The following DPP6 variants were observed in gnomAD, a reference collection of about 807,000 sequenced individuals.
The protein encoded by DPP6 is A-type potassium channel modulatory protein DPP6.
Under a neutral mutation model 122.6 loss-of-function variants are expected in DPP6, and 69 were observed. That is an observed-to-expected ratio of 0.56 (90% CI 0.46 to 0.69). DPP6 has a LOEUF of 0.69. DPP6 is among the 30% of genes least tolerant of loss of function. The pLI, the probability that DPP6 is intolerant of heterozygous loss-of-function variation, is 0.00. For synonymous variants in DPP6, 418 were observed against 433.1 expected (o/e 0.97, Z 0.43); for missense variants, 928 against 1,116.9 (o/e 0.83, Z 2.41).
intron 1 of DPP6, among the ~76,000 whole-genome samples, chr7:154,398,252 A>G (rs765858617): frequency 2.0e-5 from 3 of 152,196 alleles, no homozygotes; most frequent in Non-Finnish European, 4.4e-5. Context: ...TTTTAAGCCC[A>G]TCCCTAAAAA....
At chr7:153,826,077 T>G in the DPP6 span, among the ~76,000 whole-genome samples, 2 of 152,230 alleles carry the variant, frequency 1.3e-5, no homozygotes, top group African/African-American at 4.8e-5. Flanking sequence ...AAAGGCAGCA[T>G]AGAGAAGACA....
the DPP6 span, among the ~76,000 whole-genome samples, chr7:153,833,542 G>A: frequency 2.0e-5 from 3 of 152,046 alleles, no homozygotes; most frequent in East Asian, 1.9e-4. Flanking sequence ...GCGTGGTGGC[G>A]TGCCTGTAAT....
intron 1 of DPP6, among the ~76,000 whole-genome samples, chr7:154,350,632 G>A (rs1810771875): frequency 6.6e-6 from 1 of 152,124 alleles, no homozygotes; most frequent in African/African-American, 2.4e-5. Flanking sequence ...TTCAGAGTGA[G>A]TTGGGTATCA....
At chr7:153,764,321 CT>C in the DPP6 span, among the ~76,000 whole-genome samples, 370 of 150,180 alleles carry the variant, frequency 2.5e-3, 5 homozygotes, top group African/African-American at 8.8e-3. Context: ...TCTGCACTCG[CT>C]AGTCCTCCCT....
At chr7:154,727,733 CT>C (rs1842134748) in intron 7 of DPP6, 33 bp from the exon 8 acceptor site, 2 of 1,573,606 alleles carry the variant, frequency 1.3e-6, no homozygotes, top group East Asian at 4.6e-5. Flanking sequence ...CACTTCCTTG[CT>C]TAATATTATG....
chr7:154,504,994 A>G lies in DPP6; in HGVS notation c.457+29957A>G, dbSNP rs565240894. ...TGTTTAGTGAATTAAGCTGACAAAA[A>G]CTATTCCATTTTGTAATTGCAGAAT... On this transcript the variant is annotated intron_variant, in intron 3 of 25. Coordinates refer to ENST00000377770, the MANE Select transcript of DPP6 (RefSeq NM_130797.4). Among the ~76,000 whole-genome samples the G allele has an allele frequency of 3.9e-5, 6 of 152,324 alleles. No homozygotes were observed. In the East Asian group the frequency reaches 1.2e-3, roughly 29 times the overall value.
At chr7:154,280,195 T>A (rs1163238975) in intron 1 of DPP6, among the ~76,000 whole-genome samples, 2 of 152,120 alleles carry the variant, frequency 1.3e-5, no homozygotes, top group East Asian at 1.9e-4. Flanking sequence ...ACTGTTTTTT[T>A]ATAAAAAAAG....
chr7:154,788,276 T>C (rs1797459166), intron 10 of DPP6, among the ~76,000 whole-genome samples: 1 of 151,960 alleles, frequency 6.6e-6, no homozygotes, highest in Non-Finnish European at 1.5e-5. Context: ...AAACCCCCTC[T>C]CTACTAAAAA....
chr7:154,605,502 C>T lies in DPP6; in HGVS notation c.628-32319C>T, dbSNP rs1320526696. On this transcript the variant is annotated intron_variant, in intron 5 of 25. Coordinates refer to ENST00000377770, the MANE Select transcript of DPP6 (RefSeq NM_130797.4). The stretch of plus-strand genomic sequence containing the variant: ...AAATTACCAATTACATTTAAATGTT[C>T]AAAATTATTTAATAAAGTTTTGTAT... Among the ~76,000 whole-genome samples the T allele has an allele frequency of 1.7e-5, 2 of 119,728 alleles. 1 individual carries two copies. Among genetic ancestry groups the T allele is most frequent in the Non-Finnish European group, 3.8e-5 (2 of 53,106 alleles). The allele number at this position is 119,728 out of a possible 152,430, so 78.5% of individuals were successfully genotyped here. A position where few individuals can be genotyped will look rare whatever the true frequency, so the allele number is the denominator to read the frequency against.
At chr7:154,298,674 G>A (rs1016295952) in intron 1 of DPP6, among the ~76,000 whole-genome samples, 8 of 152,116 alleles carry the variant, frequency 5.3e-5, no homozygotes, top group Admixed American at 2.0e-4. Flanking sequence ...TGATGAGTGC[G>A]TTAGGGCCTT....
intron 2 of DPP6, among the ~76,000 whole-genome samples, chr7:154,452,699 C>G (rs56032757): frequency 0.018 from 2,766 of 152,330 alleles, 35 homozygotes; most frequent in Non-Finnish European, 0.023. Flanking sequence ...CTTGCCACCC[C>G]TGTGAGAAGA....
chr7:154,859,506 A>ATTTGAAAT (rs1339139485), intron 17 of DPP6, among the ~76,000 whole-genome samples: 5 of 152,226 alleles, frequency 3.3e-5, no homozygotes, highest in Non-Finnish European at 5.9e-5. Context: ...CTGCTGTGAA[A>ATTTGAAAT]TTTGAAATTA....
At chr7:153,788,708 A>C in the DPP6 span, among the ~76,000 whole-genome samples, 18 of 152,300 alleles carry the variant, frequency 1.2e-4, no homozygotes, top group African/African-American at 4.1e-4. Context: ...TCACGCCTGT[A>C]ATCTCAGTAT....
rs775016101 is a variant in DPP6, at chr7:154,893,451, T to TAAAAAAAAA, written c.*971_*972insAAAAAAAAA. On this transcript the variant is annotated 3_prime_UTR_variant, in exon 26 of 26. Coordinates refer to ENST00000377770, the MANE Select transcript of DPP6 (RefSeq NM_130797.4). ...CAAGCTCTTTCCCATGACATTTGGT[T>TAAAAAAAAA]TAAAAAAAAAAAAAAAAAAAAAAAA... 4.7e-4 allele frequency: 29 copies of TAAAAAAAAA among 61,330 alleles called. 4 individuals carry two copies. Among genetic ancestry groups the TAAAAAAAAA allele is most frequent in the African/African-American group, 1.4e-3 (27 of 19,890 alleles). The allele number at this position is 61,330 out of a possible 1,614,324, so 3.8% of individuals were successfully genotyped here. A position where few individuals can be genotyped will look rare whatever the true frequency, so the allele number is the denominator to read the frequency against.
chr7:153,760,685 A>G, the DPP6 span, among the ~76,000 whole-genome samples: 4 of 152,086 alleles, frequency 2.6e-5, no homozygotes, highest in Admixed American at 6.5e-5. Flanking sequence ...CTACAAAAAT[A>G]GGGCCCTTTT....
intron 2 of DPP6, among the ~76,000 whole-genome samples, chr7:154,451,677 G>A (rs776553422): frequency 1.3e-5 from 2 of 152,208 alleles, no homozygotes; most frequent in African/African-American, 4.8e-5. Flanking sequence ...CCATGCTGAC[G>A]GCCAGTTGTC....
the DPP6 span, among the ~76,000 whole-genome samples, chr7:153,752,907 A>C: frequency 6.6e-6 from 1 of 151,710 alleles, no homozygotes; most frequent in Non-Finnish European, 1.5e-5. Context: ...GAAAAGGGGA[A>C]TATAATGTAT....
At chr7:154,181,714 TGA>T (rs1276628690) in intron 1 of DPP6, among the ~76,000 whole-genome samples, 2 of 152,036 alleles carry the variant, frequency 1.3e-5, no homozygotes, top group African/African-American at 4.8e-5. Context: ...TAAAAACACT[TGA>T]GGTGTGGTGC....
chr7:154,313,217 G>C (rs1230233547), intron 1 of DPP6, among the ~76,000 whole-genome samples: 3 of 152,140 alleles, frequency 2.0e-5, no homozygotes, highest in Admixed American at 2.0e-4. Flanking sequence ...GGAAAGGAGA[G>C]CTGGATGGGA....
Sources: gnomAD v4.1 joint callset for allele counts (sites outside exome capture counted in the v4.1 genomes callset) on GRCh38, gnomAD v4.1.1 for gene constraint, MANE v1.5 for transcripts, NCBI Gene and HGNC (gene_info 2026-07-23, HGNC 2026-07-21) for gene names.